HMG20A: variants seen among roughly 807,000 people sequenced by gnomAD.
HMG20A encodes high mobility group protein 20A.
A neutral mutation model predicts 43.9 loss-of-function variants in HMG20A; 17 were observed. The observed-to-expected ratio is 0.39, with a 90% CI of 0.27 to 0.58. The LOEUF (loss-of-function observed/expected upper bound fraction) is 0.58, where lower values mean the gene tolerates loss of function less well. Among genes scored for constraint, HMG20A ranks in the 20% least tolerant of loss-of-function variants. The pLI is 0.59. For synonymous variants in HMG20A, 132 were observed against 147.5 expected, an observed-to-expected ratio of 0.89 and a Z score of 0.76; for missense variants, 341 against 438.2, an observed-to-expected ratio of 0.78 and a Z score of 1.98.
chr15:77,441,058 C>G (rs1168849690), intron 1 of HMG20A, among the ~76,000 whole-genome samples: 1 of 152,132 alleles, frequency 6.6e-6, no homozygotes, highest in Non-Finnish European at 1.5e-5. Flanking sequence ...TAGGCTCTTA[C>G]TATATGATGA....
At chr15:77,454,781 T>C (rs998774653) in intron 1 of HMG20A, among the ~76,000 whole-genome samples, 5 of 152,200 alleles carry the variant, frequency 3.3e-5, no homozygotes, top group Middle Eastern at 3.4e-3. Context: ...GGCCAATGAA[T>C]AGAGGTTTGT....
rs756912603 is a variant in HMG20A, at chr15:77,478,427, G to A, written c.824G>A (p.Arg275Gln). The stretch of plus-strand genomic sequence containing the variant: ...CTGGAGGTGGATGTGATCCAGGAGC[G>A]GAGCCGCAACACAGTCTTACAGCAG... ...EKLEVDVIQE[R>Q]SRNTVLQQHL... Residue 275 changes from arginine to glutamine, a missense_variant, in exon 8 of 10, where the codon CGG becomes CAG. By Grantham distance (43) the Arg-to-Gln change is conservative. This residue lies in a region of HMG20A where 118 missense variants were observed against 154.5 expected (regional missense o/e 0.76). Transcript: ENST00000336216. The A allele has an allele frequency of 9.9e-6, 16 of 1,612,838 alleles. No individual in the cohort carries two copies. Among genetic ancestry groups the A allele is most frequent in the South Asian group, 3.3e-5 (3 of 91,026 alleles).
chr15:77,464,993 C>T lies in HMG20A; in HGVS notation c.237+606C>T, dbSNP rs140968143. On this transcript the variant is annotated intron_variant, in intron 3 of 9. Coordinates refer to ENST00000336216, the MANE Select transcript of HMG20A (RefSeq NM_001304504.2). ...TAAAAAAGCTGGCCGGGCATGGTAG[C>T]TCATGCCTGTAATCCTAGCACTTTG... Among the ~76,000 whole-genome samples, 652 of 151,774 alleles carry T rather than the reference C, an allele frequency of 4.3e-3. 1 individual carries two copies. Among genetic ancestry groups the T allele is most frequent in the African/African-American group, 0.013 (557 of 41,388 alleles).
At chr15:77,438,684 A>C (rs1437747592) in intron 1 of HMG20A, among the ~76,000 whole-genome samples, 2 of 152,258 alleles carry the variant, frequency 1.3e-5, no homozygotes, top group African/African-American at 2.4e-5. Flanking sequence ...TAAGCACAAC[A>C]ATTTGAAACA....
intron 1 of HMG20A, among the ~76,000 whole-genome samples, chr15:77,442,283 G>C (rs1222573262): frequency 6.6e-6 from 1 of 152,096 alleles, no homozygotes; most frequent in Admixed American, 6.5e-5. Flanking sequence ...AATTGAGTTA[G>C]AACTTCTCAA....
chr15:77,514,573 A>G, the HMG20A span, among the ~76,000 whole-genome samples: 1 of 152,364 alleles, frequency 6.6e-6, no homozygotes, highest in African/African-American at 2.4e-5. Flanking sequence ...GTTGAAGGGA[A>G]CAGCATGAAC....
At chr15:77,466,328 C>T (rs1406563378) in intron 3 of HMG20A, among the ~76,000 whole-genome samples, 1 of 152,088 alleles carries the variant, frequency 6.6e-6, no homozygotes, top group East Asian at 1.9e-4. Context: ...TTGCGGTGAG[C>T]CGAGATAGCG....
chr15:77,462,570 T>G (rs1166503661), intron 2 of HMG20A, among the ~76,000 whole-genome samples: 1 of 151,276 alleles, frequency 6.6e-6, no homozygotes, highest in East Asian at 1.9e-4. Flanking sequence ...TACAGGTGTT[T>G]CAAATTTATC....
intron 1 of HMG20A, among the ~76,000 whole-genome samples, chr15:77,436,838 C>T (rs2073554650): frequency 6.6e-6 from 1 of 152,142 alleles, no homozygotes; most frequent in African/African-American, 2.4e-5. Flanking sequence ...ACATCATGCC[C>T]CTCCTTAAAA....
Position 77,470,942 on chromosome 15 carries a change from G to C in HMG20A, c.483G>C (p.Glu161Asp), listed in dbSNP as rs1287379467. The C allele has an allele frequency of 6.2e-7, 1 of 1,610,252 alleles. No homozygotes were observed. Among genetic ancestry groups the C allele is most frequent in the Non-Finnish European group, 8.5e-7 (1 of 1,178,594 alleles). The change falls in exon 5 of 10, where the codon GAG becomes GAC. Residue 161 changes from glutamate to aspartate, a missense_variant. Physicochemically the swap from Glu to Asp is conservative, Grantham distance 45. This residue lies in a region of HMG20A where 220 missense variants were observed against 263.6 expected (regional missense o/e 0.83). Transcript: ENST00000336216. ...TTGATGAAGCAGACAGAGATAAGGA[G>C]CGTTACATGAAGGAACTGGAACAGT... ...RYLDEADRDK[E>D]RYMKELEQYQ... is the part of the protein sequence containing the mutation.
chr15:77,492,550 G>A, the HMG20A span, among the ~76,000 whole-genome samples: 66 of 151,778 alleles, frequency 4.3e-4, 1 homozygote, highest in East Asian at 0.012. Context: ...GCAGTCGGGG[G>A]CTGGGTATGG....
intron 1 of HMG20A, among the ~76,000 whole-genome samples, chr15:77,426,015 CA>C (rs1271868897): frequency 6.6e-6 from 1 of 152,132 alleles, no homozygotes; most frequent in African/African-American, 2.4e-5. Flanking sequence ...AAGTCACATA[CA>C]AAAGGCAACC....
intron 1 of HMG20A, among the ~76,000 whole-genome samples, chr15:77,457,939 G>T (rs2072669989): frequency 6.6e-6 from 1 of 152,076 alleles, no homozygotes; most frequent in Non-Finnish European, 1.5e-5. Context: ...TACTACCTTA[G>T]ATTTTCTCTG....
At chr15:77,515,281 G>A in the HMG20A span, among the ~76,000 whole-genome samples, 17 of 152,182 alleles carry the variant, frequency 1.1e-4, no homozygotes, top group African/African-American at 1.7e-4. Context: ...GGAGGCAGCC[G>A]CCAGCTAAAG....
chr15:77,489,302 G>GAGTTC (rs992507987), downstream of HMG20A, among the ~76,000 whole-genome samples: 32 of 152,168 alleles, frequency 2.1e-4, no homozygotes, highest in Admixed American at 9.2e-4. Context: ...TTTACAGTAA[G>GAGTTC]TAAATTAAGA....
At chr15:77,494,014 T>A in the HMG20A span, among the ~76,000 whole-genome samples, 1 of 152,222 alleles carries the variant, frequency 6.6e-6, no homozygotes, top group Non-Finnish European at 1.5e-5. Flanking sequence ...AGACTTTTTT[T>A]ATTAGAACTT....
At chr15:77,495,319 G>A in the HMG20A span, among the ~76,000 whole-genome samples, 2 of 152,122 alleles carry the variant, frequency 1.3e-5, no homozygotes, top group East Asian at 1.9e-4. Flanking sequence ...AGGCTGAGGC[G>A]GGTGGATCAC....
intron 1 of HMG20A, among the ~76,000 whole-genome samples, chr15:77,438,073 C>G (rs1311870346): frequency 6.6e-6 from 1 of 151,886 alleles, no homozygotes; most frequent in Non-Finnish European, 1.5e-5. Context: ...CCTCCCGCCT[C>G]AGCCTCCCAA....
intron 1 of HMG20A, among the ~76,000 whole-genome samples, chr15:77,440,766 G>A (rs1331268446): frequency 6.6e-6 from 1 of 152,154 alleles, no homozygotes; most frequent in African/African-American, 2.4e-5. Context: ...CATGGTCCTT[G>A]TGTCTTCTCT....
Sources: allele counts gnomAD v4.1 joint callset (sites outside exome capture counted in the v4.1 genomes callset), GRCh38; gene constraint gnomAD v4.1.1; regional missense constraint gnomAD v4.1.1; transcripts MANE v1.5; gene names NCBI Gene and HGNC (gene_info 2026-07-23, HGNC 2026-07-21).